PGBD2: variants seen among roughly 807,000 people sequenced by gnomAD.
PGBD2 encodes the protein piggyBac transposable element-derived protein 2.
In PGBD2, 6 loss-of-function variants were observed where a neutral mutation model predicts 8.1. That is an observed-to-expected ratio of 0.74 (90% CI 0.40 to 1.46). The LOEUF (loss-of-function observed/expected upper bound fraction) is 1.46, where lower values mean the gene tolerates loss of function less well. PGBD2 is among the 40% of genes most tolerant of loss of function. PGBD2 has a pLI of 0.02. For synonymous variants in PGBD2, 318 were observed against 272.2 expected (o/e 1.17, Z -1.66); for missense variants, 802 against 739.0 (o/e 1.09, Z -0.99).
At position 248,906,293 on chromosome 1, in the gene PGBD2, C is replaced by T. The variant is rs1411362381; in HGVS notation, c.-97C>T. ...GCAGGCGCAGCGCTCCGATTCGGCGCGGCTCATGGTCCGGTTCGGGCTCGC... is the reference window on the plus strand; with the variant it reads ...GCAGGCGCAGCGCTCCGATTCGGCGTGGCTCATGGTCCGGTTCGGGCTCGC... On this transcript the variant is annotated 5_prime_UTR_variant, in exon 1 of 3. Coordinates refer to ENST00000329291, the MANE Select transcript of PGBD2 (RefSeq NM_170725.3). 6.6e-6 allele frequency: 1 copy of T among 151,822 alleles called. No homozygotes were observed. 9.4% of individuals were successfully genotyped at this position (151,822 alleles called of 1,614,324 possible).
chr1:248,878,527 T>G, the PGBD2 span, among the ~76,000 whole-genome samples: 1 of 152,180 alleles, frequency 6.6e-6, no homozygotes, highest in South Asian at 2.1e-4. Context: ...GAGTGGGGGT[T>G]GCTCTTATAA....
At chr1:248,929,637 G>A in the PGBD2 span, among the ~76,000 whole-genome samples, 9 of 152,278 alleles carry the variant, frequency 5.9e-5, no homozygotes, top group South Asian at 2.1e-4. Context: ...GAGCACACAC[G>A]CCTGCTTGCT....
chr1:248,911,022 C>T (rs954130954), intron 1 of PGBD2, among the ~76,000 whole-genome samples: 1 of 152,188 alleles, frequency 6.6e-6, no homozygotes, highest in African/African-American at 2.4e-5. Context: ...GTAATCTTTC[C>T]CTCCCAGCCC....
intron 2 of PGBD2, 119 bp downstream of exon 2, chr1:248,913,998 G>A: frequency 1.1e-6 from 1 of 881,554 alleles, no homozygotes; most frequent in Non-Finnish European, 1.9e-6. Flanking sequence ...TGTCCAGGAA[G>A]TATAAAGGAA....
the PGBD2 span, among the ~76,000 whole-genome samples, chr1:248,875,139 T>G: frequency 6.6e-6 from 1 of 151,222 alleles, no homozygotes; most frequent in Non-Finnish European, 1.5e-5. Flanking sequence ...CTACTAAAAA[T>G]ACAAAAATTA....
At chr1:248,908,913 C>T (rs1661763174) in intron 1 of PGBD2, among the ~76,000 whole-genome samples, 2 of 152,116 alleles carry the variant, frequency 1.3e-5, no homozygotes. Flanking sequence ...TTTGTCTTTT[C>T]CTCAGGGAGA....
At chr1:248,922,673 T>C (rs1334863483), downstream of PGBD2, among the ~76,000 whole-genome samples, 2 of 152,206 alleles carry the variant, frequency 1.3e-5, no homozygotes, top group African/African-American at 4.8e-5. Context: ...TGAAGGGCTG[T>C]TGAATTTTGT....
At chr1:248,922,575 A>G (rs1362324532), downstream of PGBD2, among the ~76,000 whole-genome samples, 1 of 152,140 alleles carries the variant, frequency 6.6e-6, no homozygotes, top group Non-Finnish European at 1.5e-5. Context: ...CCCATTCAGT[A>G]TGATATTGGC....
chr1:248,908,231 C>G (rs1479995209), intron 1 of PGBD2, among the ~76,000 whole-genome samples: 3 of 152,198 alleles, frequency 2.0e-5, no homozygotes, highest in African/African-American at 7.2e-5. Context: ...TCCCACCTCC[C>G]AATCCCCTAG....
chr1:248,885,273 T>C, the PGBD2 span, among the ~76,000 whole-genome samples: 1 of 151,960 alleles, frequency 6.6e-6, no homozygotes, highest in East Asian at 1.9e-4. Context: ...TAGCTAGGAC[T>C]ACAGGCATGA....
chr1:248,885,670 A>G, the PGBD2 span, among the ~76,000 whole-genome samples: 2 of 152,182 alleles, frequency 1.3e-5, no homozygotes, highest in Admixed American at 1.3e-4. Flanking sequence ...AGACTATCTT[A>G]ACAGTTCTAT....
the PGBD2 span, among the ~76,000 whole-genome samples, chr1:248,877,722 A>G: frequency 6.6e-6 from 1 of 152,210 alleles, no homozygotes; most frequent in Non-Finnish European, 1.5e-5. Flanking sequence ...TATCTTGAGA[A>G]AGGGTGTGTT....
the PGBD2 span, among the ~76,000 whole-genome samples, chr1:248,874,061 G>A: frequency 6.6e-6 from 1 of 152,128 alleles, no homozygotes; most frequent in Admixed American, 6.6e-5. Flanking sequence ...GTTACAACTA[G>A]ACTACTCATC....
At chr1:248,927,791 G>C in the PGBD2 span, among the ~76,000 whole-genome samples, 3 of 152,148 alleles carry the variant, frequency 2.0e-5, no homozygotes, top group East Asian at 3.8e-4. Flanking sequence ...CCAAGGTCTT[G>C]ATAGAGAAAG....
rs41308182 is a variant in PGBD2, at chr1:248,918,679, A to G, written c.*316A>G. ...ATCCTAGCAAGAATAATCAAAGGAA[A>G]ACTTGCAAGAACAGTAAGAAGACTT... is the stretch of plus-strand genomic sequence containing the variant. On this transcript the variant is annotated 3_prime_UTR_variant, in exon 3 of 3. Transcript: ENST00000329291. 0.033 allele frequency: 5,565 copies of G among 170,298 alleles called. 135 individuals are homozygous for G. Among genetic ancestry groups the G allele is most frequent in the East Asian group, 0.058 (318 of 5,446 alleles). 10.5% of individuals were successfully genotyped at this position (170,298 alleles called of 1,614,324 possible). A position where few individuals can be genotyped will look rare whatever the true frequency, so the allele number is the denominator to read the frequency against.
At chr1:248,912,232 G>A (rs1158072684) in intron 1 of PGBD2, among the ~76,000 whole-genome samples, 2 of 152,124 alleles carry the variant, frequency 1.3e-5, no homozygotes, top group South Asian at 4.1e-4. Flanking sequence ...CCTGACTTCT[G>A]TTTGCATTTC....
chr1:248,889,928 C>CTTTTCTTTTTT, the PGBD2 span, among the ~76,000 whole-genome samples: 1 of 136,014 alleles, frequency 7.4e-6, no homozygotes, highest in African/African-American at 2.8e-5. Flanking sequence ...TTTTTCTTTT[C>CTTTTCTTTTTT]TTTTTTTTTT....
At chr1:248,921,494 A>C (rs568305812), downstream of PGBD2, among the ~76,000 whole-genome samples, 8 of 152,116 alleles carry the variant, frequency 5.3e-5, 1 homozygote, top group East Asian at 3.9e-4. Flanking sequence ...CATTGTCTAT[A>C]TATCTGTTTT....
At position 248,918,453 on chromosome 1, in the gene PGBD2, A is replaced by C; in HGVS notation, c.*90A>C. The C allele has an allele frequency of 1.5e-6, 2 of 1,301,578 alleles. No homozygotes were observed. Among genetic ancestry groups the C allele is most frequent in the Non-Finnish European group, 1.0e-6 (1 of 959,924 alleles). 80.6% of individuals were successfully genotyped at this position (1,301,578 alleles called of 1,614,324 possible). A position where few individuals can be genotyped will look rare whatever the true frequency, so the allele number is the denominator to read the frequency against. On this transcript the variant is annotated 3_prime_UTR_variant, in exon 3 of 3. Coordinates refer to ENST00000329291, the MANE Select transcript of PGBD2 (RefSeq NM_170725.3). ...AGCACTTCTGTTTTGTGTTGGAAAA[A>C]AGACCTGAATTTCTAATGACTTGAT...
Sources: allele counts gnomAD v4.1 joint callset (sites outside exome capture counted in the v4.1 genomes callset), GRCh38; gene constraint gnomAD v4.1.1; transcripts MANE v1.5; gene names NCBI Gene and HGNC (gene_info 2026-07-23, HGNC 2026-07-21).